The following RIMS2 variants were observed in gnomAD, a reference collection of about 807,000 sequenced individuals.
RIMS2 encodes regulating synaptic membrane exocytosis protein 2.
In RIMS2, 59 loss-of-function variants were observed where a neutral mutation model predicts 174.4. The ratio of observed to expected loss-of-function variants is 0.34; its 90% CI spans 0.27 to 0.42. RIMS2 has a LOEUF of 0.42. RIMS2 is among the 10% of genes least tolerant of loss of function. The probability of loss-of-function intolerance (pLI) is 1.00; values close to 1 mark genes in which losing one functional copy is unlikely to be tolerated. For missense variants in RIMS2, 1,620 were observed against 1,666.3 expected (o/e 0.97, Z 0.48); for synonymous variants, 606 against 572.5 (o/e 1.06, Z -0.84).
chr8:103,697,447 G>T (rs965131897), intron 2 of RIMS2, among the ~76,000 whole-genome samples, 151 bp downstream of exon 4: 1 of 151,770 alleles, frequency 6.6e-6, no homozygotes, highest in South Asian at 2.1e-4. Flanking sequence ...GATGGCTCAC[G>T]CCTGTAATCT....
At chr8:103,860,586 A>G (rs2099053262) in intron 3 of RIMS2, among the ~76,000 whole-genome samples, 2 of 152,162 alleles carry the variant, frequency 1.3e-5, no homozygotes, top group South Asian at 4.1e-4. Flanking sequence ...AATAGTACAT[A>G]TTCAATAAAT....
chr8:103,639,166 C>T (rs991089766), intron 1 of RIMS2, among the ~76,000 whole-genome samples: 5 of 151,900 alleles, frequency 3.3e-5, no homozygotes, highest in South Asian at 2.1e-4. Flanking sequence ...TTTGGTATTA[C>T]AGTTATCTAG....
intron 1 of RIMS2, among the ~76,000 whole-genome samples, chr8:103,552,192 C>T (rs1273064670): frequency 1.3e-5 from 2 of 152,188 alleles, no homozygotes; most frequent in African/African-American, 2.4e-5. Flanking sequence ...TGCTACCTGA[C>T]TTCAAACTAT....
chr8:103,931,096 A>T (rs750248067), intron 11 of RIMS2, among the ~76,000 whole-genome samples, 167 bp from the exon 14 acceptor site: 3 of 152,130 alleles, frequency 2.0e-5, no homozygotes, highest in Non-Finnish European at 4.4e-5. Flanking sequence ...TTATTCATTG[A>T]AGTTATTATA....
intron 16 of RIMS2, among the ~76,000 whole-genome samples, chr8:103,986,961 G>A (rs1048875935): frequency 4.0e-5 from 6 of 151,002 alleles, no homozygotes; most frequent in East Asian, 1.9e-4. Context: ...CTCTCTTCCC[G>A]CCATCCACCC....
intron 3 of RIMS2, among the ~76,000 whole-genome samples, chr8:103,868,630 G>A (rs1286445386): frequency 2.0e-5 from 3 of 151,898 alleles, no homozygotes; most frequent in Admixed American, 1.3e-4. Context: ...TTTTTTCATG[G>A]TTTTTGAGAC....
At chr8:103,568,972 G>T in intron 1 of RIMS2, 1 of 625,592 alleles carries the variant, frequency 1.6e-6, no homozygotes, top group South Asian at 1.7e-5. Flanking sequence ...AGCTGCATGA[G>T]CTGATCACCG....
At chr8:103,517,271 G>T (rs1328115522) in intron 1 of RIMS2, among the ~76,000 whole-genome samples, 1 of 152,188 alleles carries the variant, frequency 6.6e-6, no homozygotes, top group Non-Finnish European at 1.5e-5. Context: ...GCAGGAAAAA[G>T]TATGTGGAGA....
chr8:103,593,344 G>T (rs1450996000), intron 1 of RIMS2, among the ~76,000 whole-genome samples: 1 of 151,452 alleles, frequency 6.6e-6, no homozygotes. Flanking sequence ...CTGCAAAATT[G>T]CACATGGGTA....
At chr8:103,633,655 A>G (rs1263905912) in intron 1 of RIMS2, among the ~76,000 whole-genome samples, 1 of 152,020 alleles carries the variant, frequency 6.6e-6, no homozygotes, top group Non-Finnish European at 1.5e-5. Flanking sequence ...TGAATCCATC[A>G]GGTCTTGGGC....
At chr8:103,753,694 T>G (rs200058823) in intron 2 of RIMS2, among the ~76,000 whole-genome samples, 1 of 152,218 alleles carries the variant, frequency 6.6e-6, no homozygotes, top group African/African-American at 2.4e-5. Flanking sequence ...CATTTCTTCT[T>G]GATTTTCTAA....
chr8:103,767,863 G>C (rs533596946), intron 3 of RIMS2, among the ~76,000 whole-genome samples: 2 of 152,280 alleles, frequency 1.3e-5, no homozygotes, highest in East Asian at 1.9e-4. Context: ...TGGGAGACTG[G>C]GTAGAAAGAC....
At chr8:104,189,879 C>A (rs1025702575) in intron 19 of RIMS2, among the ~76,000 whole-genome samples, 3 of 151,898 alleles carry the variant, frequency 2.0e-5, no homozygotes, top group Non-Finnish European at 4.4e-5. Context: ...CTGGAAGGGA[C>A]CATCTAATCC....
chr8:104,221,758 T>G (rs2099156395), intron 19 of RIMS2, among the ~76,000 whole-genome samples: 2 of 152,228 alleles, frequency 1.3e-5, no homozygotes. Context: ...GTTTCCTAAT[T>G]TTAAGTGTAT....
At chr8:104,012,579 G>A (rs1223814206) in intron 17 of RIMS2, among the ~76,000 whole-genome samples, 1 of 151,928 alleles carries the variant, frequency 6.6e-6, no homozygotes. Context: ...TTGAATTCTG[G>A]AGCCAAAGCT....
chr8:103,710,000 T>G (rs1186622496), intron 2 of RIMS2, among the ~76,000 whole-genome samples: 1 of 152,222 alleles, frequency 6.6e-6, no homozygotes, highest in Admixed American at 6.5e-5. Context: ...AGCAAGAGAC[T>G]TGTCATGTAT....
intron 14 of RIMS2, among the ~76,000 whole-genome samples, chr8:103,958,481 T>A (rs2154544927): frequency 6.6e-6 from 1 of 152,184 alleles, no homozygotes; most frequent in Non-Finnish European, 1.5e-5. Context: ...GGTGATGAAA[T>A]ATTCTGTAAA....
intron 1 of RIMS2, among the ~76,000 whole-genome samples, chr8:103,632,993 A>G (rs1265720109): frequency 1.3e-5 from 2 of 150,762 alleles, no homozygotes; most frequent in Non-Finnish European, 2.9e-5. Flanking sequence ...TTGGCCTCCC[A>G]AAGTGCTAGG....
intron 1 of RIMS2, among the ~76,000 whole-genome samples, chr8:103,628,682 G>A (rs2135083681): frequency 7.0e-6 from 1 of 142,986 alleles, no homozygotes; most frequent in East Asian, 2.0e-4. Context: ...GGGGTTTTTT[G>A]TTTTGCCCTC....
Sources: gnomAD v4.1 joint callset for allele counts (sites outside exome capture counted in the v4.1 genomes callset) on GRCh38, gnomAD v4.1.1 for gene constraint, MANE v1.5 for transcripts, NCBI Gene and HGNC (gene_info 2026-07-23, HGNC 2026-07-21) for gene names.